The following TMEM132C variants were observed in gnomAD, a reference collection of about 807,000 sequenced individuals.
TMEM132C encodes the protein transmembrane protein 132C.
Under a neutral mutation model 61.4 loss-of-function variants are expected in TMEM132C, and 29 were observed. The ratio of observed to expected loss-of-function variants is 0.47; its 90% CI spans 0.35 to 0.64. TMEM132C has a LOEUF of 0.64. Ranked by LOEUF, TMEM132C falls within the 30% of genes least tolerant of loss-of-function variation. TMEM132C has a pLI of 0.00. For missense variants in TMEM132C, 1,408 were observed against 1,476.9 expected, an observed-to-expected ratio of 0.95 and a Z score of 0.76; for synonymous variants, 656 against 633.1, an observed-to-expected ratio of 1.04 and a Z score of -0.54.
chr12:128,421,415 A>G (rs1374488276), intron 2 of TMEM132C, among the ~76,000 whole-genome samples: 2 of 152,226 alleles, frequency 1.3e-5, no homozygotes, highest in Non-Finnish European at 2.9e-5. Flanking sequence ...TGGGAAATTC[A>G]TGGAGGACAT....
intron 1 of TMEM132C, among the ~76,000 whole-genome samples, chr12:128,319,449 T>A (rs1872256648): frequency 1.3e-5 from 2 of 151,548 alleles, no homozygotes; most frequent in African/African-American, 4.9e-5. Flanking sequence ...ACTGAGGGAG[T>A]ACAGGACCCC....
At chr12:128,561,359 G>A (rs1223504441) in intron 3 of TMEM132C, among the ~76,000 whole-genome samples, 1 of 152,136 alleles carries the variant, frequency 6.6e-6, no homozygotes. Context: ...TCAGAGACTT[G>A]CAGGGAGCAG....
intron 2 of TMEM132C, among the ~76,000 whole-genome samples, chr12:128,515,017 A>C (rs999475847): frequency 1.2e-4 from 18 of 152,276 alleles, no homozygotes; most frequent in African/African-American, 4.3e-4. Flanking sequence ...GAGTCTGGAC[A>C]CGGATAAAGC....
intron 2 of TMEM132C, among the ~76,000 whole-genome samples, chr12:128,514,942 C>T (rs1455872185): frequency 6.6e-6 from 1 of 152,088 alleles, no homozygotes; most frequent in East Asian, 1.9e-4. Flanking sequence ...CCTGAGTCCC[C>T]GAACAATAAA....
At chr12:128,424,627 G>A (rs1869116729) in intron 2 of TMEM132C, among the ~76,000 whole-genome samples, 1 of 152,186 alleles carries the variant, frequency 6.6e-6, no homozygotes, top group South Asian at 2.1e-4. Flanking sequence ...TTTCTGGGGT[G>A]ATAAACACAT....
intron 2 of TMEM132C, among the ~76,000 whole-genome samples, chr12:128,528,862 C>G (rs942191816): frequency 6.6e-6 from 1 of 152,048 alleles, no homozygotes; most frequent in Admixed American, 6.6e-5. Flanking sequence ...ATGAACATAC[C>G]CCTGAAGAGC....
At chr12:128,377,817 G>A (rs1214501243) in intron 1 of TMEM132C, among the ~76,000 whole-genome samples, 1 of 152,112 alleles carries the variant, frequency 6.6e-6, no homozygotes, top group Non-Finnish European at 1.5e-5. Flanking sequence ...GTAGATCTGC[G>A]GACTCGTCAA....
chr12:128,503,901 G>C (rs148613335), intron 2 of TMEM132C, among the ~76,000 whole-genome samples: 3 of 152,190 alleles, frequency 2.0e-5, no homozygotes, highest in Non-Finnish European at 4.4e-5. Context: ...TGTCTCTCAT[G>C]GTTTATGGGG....
rs143562694 is a variant in TMEM132C, at chr12:128,678,397, C to T, written c.1449+8837C>T. Among the ~76,000 whole-genome samples, 536 of 152,264 alleles carry T rather than the reference C, an allele frequency of 3.5e-3. 5 individuals carry two copies. The highest frequency in any genetic ancestry group is 0.012 in the African/African-American group (513 of 41,544). On this transcript the variant is annotated intron_variant, in intron 5 of 8. Coordinates refer to ENST00000435159, the MANE Select transcript of TMEM132C (RefSeq NM_001136103.3). ...TTCCTTGAGGGGCTCTTCTAGTGCC[C>T]GCATTCCATCTGGGATTCAAAGTGC...
rs1222554038 is a variant in TMEM132C, at chr12:128,705,265, G to T, written c.2297G>T (p.Gly766Val). The change falls in exon 9 of 9, where the codon GGC (glycine) becomes GTC (valine). Residue 766 changes from glycine (G) to valine (V), a missense_variant. Transcript: ENST00000435159. ...GTGGTGGCCGAAGGGGAAGGCCAGG[G>T]CCCACTGATCCGAGTGGACATGACG... ...PVVVAEGEGQGPLIRVDMTIA... is the reference protein window; with the variant it reads ...PVVVAEGEGQVPLIRVDMTIA... 1 of 1,551,644 alleles carries T rather than the reference G, an allele frequency of 6.4e-7. No individual in the cohort carries two copies. Among genetic ancestry groups the T allele is most frequent in the Non-Finnish European group, 8.7e-7 (1 of 1,147,004 alleles).
intron 1 of TMEM132C, among the ~76,000 whole-genome samples, chr12:128,383,328 G>A (rs926594634): frequency 6.6e-6 from 1 of 152,134 alleles, no homozygotes; most frequent in African/African-American, 2.4e-5. Context: ...TTCAGCTTTC[G>A]CAATGGCCAA....
intron 2 of TMEM132C, among the ~76,000 whole-genome samples, chr12:128,473,161 T>C (rs112435552): frequency 6.6e-4 from 9 of 13,554 alleles, no homozygotes; most frequent in South Asian, 1.7e-3. Flanking sequence ...TATCTTCATC[T>C]TCACTCCAGC....
At position 128,415,561 on chromosome 12, in the gene TMEM132C, G is replaced by A; in HGVS notation, c.915G>A (p.Glu305=). 6.4e-7 allele frequency: 1 copy of A among 1,550,982 alleles called. No homozygotes were observed. The highest frequency in any genetic ancestry group is 8.7e-7 in the Non-Finnish European group (1 of 1,146,856). ...WLPSRPVKQG[E]VVTAYVTISS... ...CTTCCAGGCCAGTCAAGCAGGGAGAGGTGGTCACGGCCTATGTCACCATCT... is the reference window on the plus strand; with the variant it reads ...CTTCCAGGCCAGTCAAGCAGGGAGAAGTGGTCACGGCCTATGTCACCATCT... The change falls in exon 2 of 9, where the codon GAG becomes GAA. Residue 305 remains glutamate (E), a synonymous_variant. Transcript: ENST00000435159. The surrounding 1 kb of genome is among the most constrained non-coding windows in gnomAD (Gnocchi z 5.8).
chr12:128,487,010 T>C (rs141551860), intron 2 of TMEM132C, among the ~76,000 whole-genome samples: 2 of 152,120 alleles, frequency 1.3e-5, no homozygotes, highest in East Asian at 3.9e-4. Context: ...TGTAAATTGC[T>C]ACTCTGTTCT....
chr12:128,323,396 G>A (rs1241145117), intron 1 of TMEM132C, among the ~76,000 whole-genome samples: 1 of 152,236 alleles, frequency 6.6e-6, no homozygotes, highest in African/African-American at 2.4e-5. Flanking sequence ...CAGGCGTGAC[G>A]AAGCAGGAAT....
At chr12:128,503,976 C>G (rs1270060053) in intron 2 of TMEM132C, among the ~76,000 whole-genome samples, 1 of 152,226 alleles carries the variant, frequency 6.6e-6, no homozygotes, top group Non-Finnish European at 1.5e-5. Flanking sequence ...CAGTTGTGAA[C>G]AGACAGACAG....
chr12:128,540,156 C>A (rs1193016889), intron 2 of TMEM132C, among the ~76,000 whole-genome samples: 1 of 152,058 alleles, frequency 6.6e-6, no homozygotes, highest in African/African-American at 2.4e-5. Flanking sequence ...TCATTTTGTC[C>A]CTGCTGCGTG....
chr12:128,505,527 G>A (rs934489746), intron 2 of TMEM132C, among the ~76,000 whole-genome samples: 1 of 152,154 alleles, frequency 6.6e-6, no homozygotes, highest in Non-Finnish European at 1.5e-5. Flanking sequence ...CCCCATGGAG[G>A]AGAAACATAG....
At chr12:128,416,630 TG>T (rs1286497625) in intron 2 of TMEM132C, among the ~76,000 whole-genome samples, 1 of 152,212 alleles carries the variant, frequency 6.6e-6, no homozygotes, top group Non-Finnish European at 1.5e-5. Flanking sequence ...GTTTAACTTT[TG>T]TAATATAGCT....
Sources: gnomAD v4.1 joint callset for allele counts (sites outside exome capture counted in the v4.1 genomes callset) on GRCh38, gnomAD v4.1.1 for gene constraint, Gnocchi (gnomAD v3.1) non-coding constraint, MANE v1.5 for transcripts, NCBI Gene and HGNC (gene_info 2026-07-23, HGNC 2026-07-21) for gene names.